The following EPHB2 variants were observed in gnomAD, a reference collection of about 807,000 sequenced individuals.
The protein encoded by EPHB2 is EPH receptor B2.
In EPHB2, 18 loss-of-function variants were observed where a neutral mutation model predicts 96.4. The observed-to-expected ratio is 0.19, with a 90% CI of 0.13 to 0.28. EPHB2 has a LOEUF of 0.28. Among genes scored for constraint, EPHB2 ranks in the 10% least tolerant of loss-of-function variants. The pLI, the probability that EPHB2 is intolerant of heterozygous loss-of-function variation, is 1.00. For missense variants in EPHB2, 989 were observed against 1,355.4 expected (o/e 0.73, Z 4.25); for synonymous variants, 506 against 534.1 (o/e 0.95, Z 0.72).
intron 5 of EPHB2, among the ~76,000 whole-genome samples, chr1:22,881,780 AC>A (rs1422799351): frequency 2.6e-5 from 4 of 152,008 alleles, no homozygotes; most frequent in Non-Finnish European, 5.9e-5. Flanking sequence ...TTTAGTAGAC[AC>A]GGGGTTTCAC....
At chr1:22,781,003 C>T (rs914097578) in intron 1 of EPHB2, among the ~76,000 whole-genome samples, 2 of 151,944 alleles carry the variant, frequency 1.3e-5, no homozygotes, top group African/African-American at 4.8e-5. Context: ...GCGGGGCTCT[C>T]AGTAAAGAAG....
At chr1:22,788,321 G>A (rs969311443) in intron 3 of EPHB2, among the ~76,000 whole-genome samples, 1 of 152,184 alleles carries the variant, frequency 6.6e-6, no homozygotes, top group African/African-American at 2.4e-5. Context: ...ATCTTCCCCT[G>A]GACCTGAAAG....
chr1:22,711,565 T>C (rs1643145834), intron 1 of EPHB2, among the ~76,000 whole-genome samples: 2 of 151,220 alleles, frequency 1.3e-5, no homozygotes, highest in African/African-American at 2.4e-5. Context: ...GAGCAGGGAC[T>C]GGCAGAGTGG....
At chr1:22,870,799 C>T (rs960246371) in intron 5 of EPHB2, among the ~76,000 whole-genome samples, 5 of 152,200 alleles carry the variant, frequency 3.3e-5, no homozygotes, top group African/African-American at 9.7e-5. Context: ...ATCAGGCAGC[C>T]GAACCTGGCT....
intron 1 of EPHB2, chr1:22,774,573 A>G (rs1250153246): frequency 5.1e-6 from 5 of 985,176 alleles, no homozygotes; most frequent in Non-Finnish European, 2.4e-6. Flanking sequence ...AGGTAAAGTG[A>G]CTTCTGCAAG....
intron 5 of EPHB2, among the ~76,000 whole-genome samples, chr1:22,867,565 C>T (rs1323157866): frequency 1.3e-5 from 2 of 152,086 alleles, no homozygotes; most frequent in East Asian, 3.9e-4. Context: ...TCAAAGGAGG[C>T]AATCTGAGAA....
At chr1:22,754,225 G>C (rs1166376115) in intron 1 of EPHB2, among the ~76,000 whole-genome samples, 1 of 152,118 alleles carries the variant, frequency 6.6e-6, no homozygotes, top group African/African-American at 2.4e-5. Flanking sequence ...GCTCAAAGGT[G>C]CTCAGAAACC....
At chr1:22,729,099 G>T (rs1381121502) in intron 1 of EPHB2, among the ~76,000 whole-genome samples, 1 of 152,196 alleles carries the variant, frequency 6.6e-6, no homozygotes, top group Non-Finnish European at 1.5e-5. Context: ...GATCACAGGG[G>T]GAGCTACACC....
At chr1:22,735,165 A>G (rs760168276) in intron 1 of EPHB2, among the ~76,000 whole-genome samples, 18 of 152,066 alleles carry the variant, frequency 1.2e-4, no homozygotes, top group Non-Finnish European at 2.9e-5. Context: ...GCTCACTCCT[A>G]TAATCCCAGC....
intron 1 of EPHB2, among the ~76,000 whole-genome samples, chr1:22,761,142 C>G (rs149668325): frequency 3.3e-5 from 5 of 152,306 alleles, no homozygotes; most frequent in Non-Finnish European, 7.3e-5. Context: ...CTCTTCTGAT[C>G]TCATGGGGAT....
intron 1 of EPHB2, among the ~76,000 whole-genome samples, chr1:22,732,306 G>C (rs1036439664): frequency 7.9e-5 from 12 of 151,850 alleles, no homozygotes; most frequent in African/African-American, 2.9e-4. Flanking sequence ...AGCTGCGGGG[G>C]CCTGGGAAAG....
chr1:22,838,639 G>T (rs904899489), intron 3 of EPHB2, among the ~76,000 whole-genome samples: 13 of 152,166 alleles, frequency 8.5e-5, no homozygotes, highest in African/African-American at 2.9e-4. Context: ...TTCGGAAAAT[G>T]ATACTAGAGG....
chr1:22,833,293 A>G (rs1215259235), intron 3 of EPHB2, among the ~76,000 whole-genome samples: 2 of 151,704 alleles, frequency 1.3e-5, no homozygotes, highest in Non-Finnish European at 2.9e-5. Flanking sequence ...TAATTTTTGT[A>G]TTTTTTGGTA....
chr1:22,714,096 T>A (rs2148329626), intron 1 of EPHB2, among the ~76,000 whole-genome samples: 1 of 152,080 alleles, frequency 6.6e-6, no homozygotes, highest in Non-Finnish European at 1.5e-5. Flanking sequence ...ATCGATAGAG[T>A]TTCCTCTCTG....
Position 22,913,807 on chromosome 1 carries a change from A to T in EPHB2, c.*237A>T. The T allele has an allele frequency of 1.2e-6, 2 of 1,610,500 alleles. No homozygotes were observed. Among genetic ancestry groups the T allele is most frequent in the Non-Finnish European group, 1.7e-6 (2 of 1,178,446 alleles). Reference sequence around the variant, plus strand: ...CAGATCCTGGGAGGGGGCGGGAAATACAAGGAATATTTTTTAAAGAGGATT... The same window carrying T: ...CAGATCCTGGGAGGGGGCGGGAAATTCAAGGAATATTTTTTAAAGAGGATT... On this transcript the variant is annotated 3_prime_UTR_variant, in exon 16 of 16. Transcript: ENST00000374630. This position sits in a 1 kb window ranked among gnomAD's most constrained non-coding sequence, Gnocchi z 4.1.
At chr1:22,896,310 G>C (rs1190033547) in intron 8 of EPHB2, 104 bp from the exon 9 acceptor site, 4 of 1,456,052 alleles carry the variant, frequency 2.7e-6, no homozygotes, top group Admixed American at 3.5e-5. Flanking sequence ...TCTGGCAGGG[G>C]TGTGGCTTCT....
In EPHB2 at chr1:22,917,241, G is replaced by A. The variant is rs1463025828; in HGVS notation, c.*3671G>A. Reference sequence around the variant, plus strand: ...AGCCTCACACTCCTCTCCCATCAGGGGCTCATCTCCAAAAGGCTGGGAGCT... The same window carrying A: ...AGCCTCACACTCCTCTCCCATCAGGAGCTCATCTCCAAAAGGCTGGGAGCT... On this transcript the variant is annotated 3_prime_UTR_variant, in exon 16 of 16. Transcript: ENST00000374630. 6.6e-6 allele frequency: 1 copy of A among 152,168 alleles called. No individual in the cohort carries two copies. Among genetic ancestry groups the A allele is most frequent in the Non-Finnish European group, 1.5e-5 (1 of 68,082 alleles). The allele number at this position is 152,168 out of a possible 1,614,324, so 9.4% of individuals were successfully genotyped here. A position where few individuals can be genotyped will look rare whatever the true frequency, so the allele number is the denominator to read the frequency against.
At chr1:22,742,965 C>G (rs1643922693) in intron 1 of EPHB2, among the ~76,000 whole-genome samples, 1 of 149,908 alleles carries the variant, frequency 6.7e-6, no homozygotes, top group Non-Finnish European at 1.5e-5. Context: ...TATCATGGCT[C>G]ACTGCAGCCT....
intron 1 of EPHB2, among the ~76,000 whole-genome samples, chr1:22,776,359 T>G (rs925790545): frequency 6.6e-5 from 10 of 152,234 alleles, no homozygotes; most frequent in African/African-American, 2.4e-4. Flanking sequence ...CTTCCCCTCC[T>G]TCCGTATTCA....
Sources: gnomAD v4.1 joint callset for allele counts (sites outside exome capture counted in the v4.1 genomes callset) on GRCh38, gnomAD v4.1.1 for gene constraint, Gnocchi (gnomAD v3.1) non-coding constraint, MANE v1.5 for transcripts, NCBI Gene and HGNC (gene_info 2026-07-23, HGNC 2026-07-21) for gene names.